MYOM2: variants seen among roughly 807,000 people sequenced by gnomAD.
The protein encoded by MYOM2 is myomesin 2.
A neutral mutation model predicts 187.6 loss-of-function variants in MYOM2; 254 were observed. The observed-to-expected ratio is 1.35, with a 90% CI of 1.22 to 1.50. The LOEUF (loss-of-function observed/expected upper bound fraction) is 1.50. Among genes scored for constraint, MYOM2 ranks in the 40% most tolerant of loss-of-function variants. The pLI is 0.00. For missense variants in MYOM2, 2,796 were observed against 1,924.0 expected, an observed-to-expected ratio of 1.45 and a Z score of -8.48; for synonymous variants, 981 against 753.8, an observed-to-expected ratio of 1.30 and a Z score of -4.94.
At chr8:2,071,139 T>C (rs1048991899) in intron 8 of MYOM2, among the ~76,000 whole-genome samples, 6 of 151,894 alleles carry the variant, frequency 4.0e-5, no homozygotes, top group Non-Finnish European at 5.9e-5. Context: ...GGCTCGTTTT[T>C]TCTTTATTTT....
chr8:2,054,098 C>T (rs1056474914), intron 3 of MYOM2, among the ~76,000 whole-genome samples: 5 of 152,160 alleles, frequency 3.3e-5, no homozygotes, highest in African/African-American at 9.7e-5. Context: ...TCACCACTCT[C>T]ACGGGCTGCA....
Position 2,059,053 on chromosome 8 carries a change from C to A in MYOM2, c.561-100C>A. 4 of 932,654 alleles carry A rather than the reference C, an allele frequency of 4.3e-6. No individual in the cohort carries two copies. In the South Asian group the frequency reaches 6.1e-5, roughly 14 times the overall value. 57.8% of individuals were successfully genotyped at this position (932,654 alleles called of 1,614,324 possible). A position where few individuals can be genotyped will look rare whatever the true frequency, so the allele number is the denominator to read the frequency against. ...TCCCGCCTGAGGCTCTAAGGGAAACCTGCAGAAATGGGCAGCAGGCGCGGG... is the reference window on the plus strand; with the variant it reads ...TCCCGCCTGAGGCTCTAAGGGAAACATGCAGAAATGGGCAGCAGGCGCGGG... On this transcript the variant is annotated intron_variant, in intron 5 of 36. Coordinates refer to ENST00000262113, the MANE Select transcript of MYOM2 (RefSeq NM_003970.4).
At chr8:2,076,720 T>C (rs116351358) in intron 11 of MYOM2, 1 of 156,322 alleles carries the variant, frequency 6.4e-6, no homozygotes, top group Admixed American at 6.5e-5. Context: ...CAAAGTTCTT[T>C]CCTTTTCTCT....
chr8:2,145,288 C>G lies in MYOM2; in HGVS notation c.*307C>G. ...CACGGGTGTGGGCACATGGGTGTGG[C>G]ACCTGGACGTGTGCAGCATGTGGCG... On this transcript the variant is annotated 3_prime_UTR_variant, in exon 37 of 37. Transcript: ENST00000262113. 1 of 495,540 alleles carries G rather than the reference C, an allele frequency of 2.0e-6. No homozygotes were observed. Among genetic ancestry groups the G allele is most frequent in the Non-Finnish European group, 3.6e-6 (1 of 281,554 alleles). The allele number at this position is 495,540 out of a possible 1,614,324, so 30.7% of individuals were successfully genotyped here. A position where few individuals can be genotyped will look rare whatever the true frequency, so the allele number is the denominator to read the frequency against.
chr8:2,087,037 T>C (rs1388594200), intron 14 of MYOM2, among the ~76,000 whole-genome samples: 1 of 152,148 alleles, frequency 6.6e-6, no homozygotes, highest in East Asian at 1.9e-4. Flanking sequence ...ATTTCACAAA[T>C]GATAATCTCA....
chr8:2,047,977 C>A (rs965417438), intron 1 of MYOM2, among the ~76,000 whole-genome samples: 5 of 152,362 alleles, frequency 3.3e-5, no homozygotes, highest in Admixed American at 6.5e-5. Context: ...AGCCGTTTCA[C>A]ATTCTTCCAG....
rs892970619 is a variant in MYOM2 at position 2,072,273 on chromosome 8, C to T, written c.794-72C>T. 1.2e-3 allele frequency: 1,372 copies of T among 1,152,058 alleles called. 24 individuals are homozygous for T. The African/African-American group carries it at 0.025, about 21-fold the overall frequency. The allele number at this position is 1,152,058 out of a possible 1,614,324, so 71.4% of individuals were successfully genotyped here. On this transcript the variant is annotated intron_variant, in intron 8 of 36. Transcript: ENST00000262113. Reference sequence around the variant, plus strand: ...AAAAAGAAAGATGCTCTCTGCCCTTCGGCCATGAAAGCCTCCATCGTTTCA... The same window carrying T: ...AAAAAGAAAGATGCTCTCTGCCCTTTGGCCATGAAAGCCTCCATCGTTTCA...
chr8:2,144,550 G>T, intron 36 of MYOM2, 114 bp from the exon 37 acceptor site: 1 of 1,090,780 alleles, frequency 9.2e-7, no homozygotes, highest in South Asian at 1.4e-5. Context: ...CTAAACAAAC[G>T]ATTGAAGGAC....
chr8:2,128,304 C>G (rs562845028), intron 31 of MYOM2, among the ~76,000 whole-genome samples: 1 of 152,046 alleles, frequency 6.6e-6, no homozygotes, highest in Admixed American at 6.5e-5. Flanking sequence ...TTTCAAGTTG[C>G]TTCCCAAAAT....
rs182127251 is a variant in MYOM2, at chr8:2,053,015, A to G, written c.263+702A>G. On this transcript the variant is annotated intron_variant, in intron 3 of 36. Coordinates refer to ENST00000262113, the MANE Select transcript of MYOM2 (RefSeq NM_003970.4). ...GTGGTGATATGGCTTTGATCTTTTA[A>G]GGACAAAGTGAACAGTTAAACGTTC... 1.1e-3 allele frequency among the ~76,000 whole-genome samples: 171 copies of G among 152,352 alleles called. 1 individual carries two copies. The highest frequency in any genetic ancestry group is 4.0e-3 in the African/African-American group (168 of 41,586).
At chr8:2,100,694 T>C (rs1181498268) in intron 19 of MYOM2, among the ~76,000 whole-genome samples, 182 bp from the exon 20 acceptor site, 2 of 140,584 alleles carry the variant, frequency 1.4e-5, no homozygotes, top group East Asian at 4.2e-4. Context: ...CCCAACGTCA[T>C]GCTGAGCACC....
intron 31 of MYOM2, among the ~76,000 whole-genome samples, chr8:2,127,388 C>T (rs1021186361): frequency 1.3e-5 from 2 of 152,164 alleles, no homozygotes; most frequent in African/African-American, 2.4e-5. Flanking sequence ...GTTCCCTGCG[C>T]ACTTTTTGGC....
In MYOM2 at chr8:2,060,177, A is replaced by G. The variant is rs115419744; in HGVS notation, c.653+932A>G. Among the ~76,000 whole-genome samples, 573 of 152,276 alleles carry G rather than the reference A, an allele frequency of 3.8e-3. 3 individuals carry two copies. The highest frequency in any genetic ancestry group is 0.012 in the African/African-American group (517 of 41,570). ...TTTTTCAGCAGTAGTATCTTGTGGC[A>G]CCTTCCTATGGCTCTCATGTTAATT... On this transcript the variant is annotated intron_variant, in intron 6 of 36. Coordinates refer to ENST00000262113, the MANE Select transcript of MYOM2 (RefSeq NM_003970.4).
intron 5 of MYOM2, 119 bp from the exon 6 acceptor site, chr8:2,059,034 C>T: frequency 1.3e-6 from 1 of 778,954 alleles, no homozygotes; most frequent in South Asian, 1.7e-5. Context: ...CTCCTCCCGC[C>T]TGAGGCTCTA....
chr8:2,123,705 A>C, intron 30 of MYOM2, 63 bp downstream of exon 30: 2 of 1,412,920 alleles, frequency 1.4e-6, no homozygotes, highest in Non-Finnish European at 2.0e-6. Context: ...GATGGGATGT[A>C]TTCTGAAGGC....
chr8:2,141,494 A>G (rs1247561876), intron 34 of MYOM2, among the ~76,000 whole-genome samples: 1 of 152,244 alleles, frequency 6.6e-6, no homozygotes, highest in African/African-American at 2.4e-5. Flanking sequence ...ATTTTGGAGA[A>G]TAAACCTGAG....
chr8:2,112,795 T>A (rs972189644), intron 25 of MYOM2, among the ~76,000 whole-genome samples: 12 of 152,136 alleles, frequency 7.9e-5, no homozygotes, highest in Non-Finnish European at 7.4e-5. Flanking sequence ...CAGAAGAAGG[T>A]TGCTGATTTT....
intron 8 of MYOM2, among the ~76,000 whole-genome samples, chr8:2,071,690 G>A (rs773115181): frequency 6.6e-5 from 10 of 152,160 alleles, no homozygotes; most frequent in Non-Finnish European, 1.2e-4. Flanking sequence ...GCTTGTCTCC[G>A]CTCCGGCTGC....
intron 11 of MYOM2, chr8:2,076,555 C>T (rs1224360379): frequency 4.6e-6 from 2 of 432,676 alleles, no homozygotes; most frequent in Non-Finnish European, 8.3e-6. Context: ...CCACCAACGT[C>T]TTCAGGCTCA....
Sources: allele counts gnomAD v4.1 joint callset (sites outside exome capture counted in the v4.1 genomes callset), GRCh38; gene constraint gnomAD v4.1.1; transcripts MANE v1.5; gene names NCBI Gene and HGNC (gene_info 2026-07-23, HGNC 2026-07-21).